The following SPMIP4 variants were observed in gnomAD, a reference collection of about 807,000 sequenced individuals.
The protein encoded by SPMIP4 is sperm-associated microtubule inner protein 4.
the SPMIP4 span, chr7:25,125,873 T>C: frequency 1.0e-6 from 1 of 980,630 alleles, no homozygotes; most frequent in Non-Finnish European, 1.2e-6. Flanking sequence ...TAGTTCCACC[T>C]ATACTCTGTT....
the SPMIP4 span, among the ~76,000 whole-genome samples, chr7:25,145,263 CAAG>C: frequency 1.3e-5 from 2 of 152,040 alleles, no homozygotes; most frequent in Admixed American, 6.5e-5. Flanking sequence ...CATGCCCGGC[CAAG>C]AAGGACTTTT....
the SPMIP4 span, among the ~76,000 whole-genome samples, chr7:25,149,397 C>T: frequency 2.0e-5 from 3 of 152,088 alleles, no homozygotes; most frequent in East Asian, 1.9e-4. Flanking sequence ...GTTACTCCCA[C>T]GAAGCTCAGC....
the SPMIP4 span, among the ~76,000 whole-genome samples, chr7:25,146,488 T>C: frequency 6.6e-6 from 1 of 152,232 alleles, no homozygotes; most frequent in African/African-American, 2.4e-5. Context: ...GGTCCCTGCA[T>C]GATCACCAAA....
chr7:25,142,208 C>A, the SPMIP4 span: 2 of 1,530,162 alleles, frequency 1.3e-6, no homozygotes, highest in Middle Eastern at 1.7e-4. Context: ...CACTCTCCCC[C>A]AAAATAACTG....
At chr7:25,176,387 A>G in the SPMIP4 span, among the ~76,000 whole-genome samples, 2 of 152,162 alleles carry the variant, frequency 1.3e-5, no homozygotes, top group Non-Finnish European at 2.9e-5. This position sits in a 1 kb window ranked among gnomAD's most constrained non-coding sequence, Gnocchi z 4.4. Flanking sequence ...CAATCCACTA[A>G]GGGTTTTATT....
chr7:25,180,103 G>C, the SPMIP4 span: 1 of 152,324 alleles, frequency 6.6e-6, no homozygotes, highest in African/African-American at 2.4e-5. Flanking sequence ...GCAGGGGCGG[G>C]GGCGGGAGAA....
the SPMIP4 span, among the ~76,000 whole-genome samples, chr7:25,140,601 C>T: frequency 4.7e-5 from 7 of 150,380 alleles, no homozygotes; most frequent in Non-Finnish European, 7.4e-5. Context: ...CACGCCCGGC[C>T]CTCAGCTCAG....
chr7:25,132,798 G>A, the SPMIP4 span, among the ~76,000 whole-genome samples: 1 of 152,164 alleles, frequency 6.6e-6, no homozygotes, highest in Non-Finnish European at 1.5e-5. This position sits in a 1 kb window ranked among gnomAD's most constrained non-coding sequence, Gnocchi z 5.0. Flanking sequence ...TATAACAAAA[G>A]TAAGTTTAGT....
At chr7:25,130,252 A>G in the SPMIP4 span, among the ~76,000 whole-genome samples, 1 of 142,500 alleles carries the variant, frequency 7.0e-6, no homozygotes, top group Non-Finnish European at 1.5e-5. Context: ...TCTCAAAAAA[A>G]CAAAAAAGAA....
the SPMIP4 span, chr7:25,151,831 G>A: frequency 2.0e-6 from 1 of 492,602 alleles, no homozygotes; most frequent in East Asian, 3.4e-5. Flanking sequence ...GATTCAGCTT[G>A]CTCTTGAATT....
the SPMIP4 span, among the ~76,000 whole-genome samples, chr7:25,171,176 G>C: frequency 6.6e-6 from 1 of 152,156 alleles, no homozygotes; most frequent in African/African-American, 2.4e-5. Context: ...CTATGCAGTG[G>C]ACTGGCGGTT....
the SPMIP4 span, among the ~76,000 whole-genome samples, chr7:25,140,880 C>G: frequency 1.8e-4 from 27 of 152,336 alleles, no homozygotes; most frequent in African/African-American, 5.5e-4. Flanking sequence ...AGCCACCGAG[C>G]CTGACCCAGC....
chr7:25,132,681 T>C, the SPMIP4 span, among the ~76,000 whole-genome samples: 3 of 152,332 alleles, frequency 2.0e-5, no homozygotes, highest in South Asian at 2.1e-4. The surrounding 1 kb of genome is among the most constrained non-coding windows in gnomAD (Gnocchi z 5.0). Context: ...GATTAACCAC[T>C]GTTCCTTACT....
chr7:25,173,050 GGAGA>G, the SPMIP4 span, among the ~76,000 whole-genome samples: 1 of 150,764 alleles, frequency 6.6e-6, no homozygotes, highest in Non-Finnish European at 1.5e-5. This position sits in a 1 kb window ranked among gnomAD's most constrained non-coding sequence, Gnocchi z 4.4. Flanking sequence ...AAAAAGGGAG[GGAGA>G]GAGAGGGGGA....
At chr7:25,143,929 G>A in the SPMIP4 span, among the ~76,000 whole-genome samples, 1 of 152,180 alleles carries the variant, frequency 6.6e-6, no homozygotes, top group Non-Finnish European at 1.5e-5. Flanking sequence ...TTCAAAGAAG[G>A]GAGAGATTGA....
At chr7:25,141,179 C>T in the SPMIP4 span, among the ~76,000 whole-genome samples, 3 of 152,170 alleles carry the variant, frequency 2.0e-5, no homozygotes, top group Non-Finnish European at 4.4e-5. Flanking sequence ...CTGCAGAGAA[C>T]GTATTGGCTT....
At chr7:25,136,270 T>C in the SPMIP4 span, 4 of 1,614,194 alleles carry the variant, frequency 2.5e-6, no homozygotes, top group South Asian at 4.4e-5. This position sits in a 1 kb window ranked among gnomAD's most constrained non-coding sequence, Gnocchi z 5.7. Flanking sequence ...GTCTTGTTTA[T>C]TTTGTAAAAC....
the SPMIP4 span, among the ~76,000 whole-genome samples, chr7:25,164,558 C>T: frequency 1.8e-4 from 28 of 152,084 alleles, no homozygotes; most frequent in Non-Finnish European, 3.5e-4. Context: ...CATACTCCTA[C>T]CAGCTCAGGT....
the SPMIP4 span, among the ~76,000 whole-genome samples, chr7:25,137,678 C>G: frequency 6.6e-6 from 1 of 152,150 alleles, no homozygotes. Context: ...ACAAGACATT[C>G]TCTCTGCAGC....
Sources: allele counts gnomAD v4.1 joint callset (sites outside exome capture counted in the v4.1 genomes callset), GRCh38; gene constraint gnomAD v4.1.1; non-coding constraint Gnocchi (gnomAD v3.1); transcripts MANE v1.5; gene names NCBI Gene and HGNC (gene_info 2026-07-23, HGNC 2026-07-21).